Variants in ENOX1 observed in about 807,000 individuals in gnomAD.
ENOX1 encodes the protein ecto-NOX disulfide-thiol exchanger 1.
In ENOX1, 42 loss-of-function variants were observed where a neutral mutation model predicts 82.5. The ratio of observed to expected loss-of-function variants is 0.51; its 90% confidence interval spans 0.40 to 0.66. The LOEUF (loss-of-function observed/expected upper bound fraction) is 0.66, where lower values mean the gene tolerates loss of function less well. ENOX1 is among the 30% of genes least tolerant of loss of function. ENOX1 has a pLI of 0.00. For missense variants in ENOX1, 608 were observed against 811.6 expected (o/e 0.75, Z 3.05); for synonymous variants, 271 against 282.2 (o/e 0.96, Z 0.40).
chr13:43,418,979 A>G (rs1594480548), intron 3 of ENOX1, among the ~76,000 whole-genome samples: 1 of 152,066 alleles, frequency 6.6e-6, no homozygotes, highest in Admixed American at 6.5e-5. Flanking sequence ...GGAATTTGAG[A>G]CCAGCCTGGC....
chr13:43,489,964 A>T (rs1301149586), intron 2 of ENOX1, among the ~76,000 whole-genome samples: 1 of 152,144 alleles, frequency 6.6e-6, no homozygotes, highest in African/African-American at 2.4e-5. Flanking sequence ...TTTGAGACAG[A>T]ATGTCGCTCT....
intron 1 of ENOX1, among the ~76,000 whole-genome samples, chr13:43,781,791 G>A (rs1434089840): frequency 1.3e-5 from 2 of 152,172 alleles, no homozygotes; most frequent in Non-Finnish European, 2.9e-5. Context: ...GATTACAGGC[G>A]TGAGCCACCG....
intron 1 of ENOX1, among the ~76,000 whole-genome samples, chr13:43,670,837 T>C (rs9594992): frequency 0.13 from 19,602 of 149,092 alleles, 2,493 homozygotes; most frequent in African/African-American, 0.34. Flanking sequence ...AGTGAGAGTC[T>C]ATCTCAAACA....
rs553407361 is a variant in ENOX1, at chr13:43,320,531, G to A, written c.1261+1853C>T. On this transcript the variant is annotated intron_variant, in intron 11 of 16. Transcript: ENST00000690772. ...GGGCCCCGATCCTATAAGCATGTAC[G>A]TGCCGCAAGACCTCAGTGAGCATAC... 2.6e-5 allele frequency among the ~76,000 whole-genome samples: 4 copies of A among 152,238 alleles called. No individual in the cohort carries two copies. The South Asian group carries it at 6.2e-4, about 24-fold the overall frequency.
At chr13:43,253,341 A>G (rs1400632899) in intron 14 of ENOX1, among the ~76,000 whole-genome samples, 1 of 152,088 alleles carries the variant, frequency 6.6e-6, no homozygotes, top group Non-Finnish European at 1.5e-5. Flanking sequence ...ATTTTCCTAC[A>G]TATTTCCTCA....
At chr13:43,656,957 T>C (rs1323075332) in intron 2 of ENOX1, among the ~76,000 whole-genome samples, 1 of 152,226 alleles carries the variant, frequency 6.6e-6, no homozygotes, top group Non-Finnish European at 1.5e-5. Context: ...TCTTTTTCCT[T>C]GTATTAAAAA....
rs149395641 is a variant in ENOX1, at chr13:43,237,611, C to T, written c.1612-873G>A. 5.2e-4 allele frequency among the ~76,000 whole-genome samples: 79 copies of T among 152,202 alleles called. 1 individual carries two copies. Among genetic ancestry groups the T allele is most frequent in the African/African-American group, 1.7e-3 (69 of 41,512 alleles). ...CTGCAGGGATGATAGAGAACAGGTA[C>T]GGAGAGCCGAATGGACGAAGAATTC... On this transcript the variant is annotated intron_variant, in intron 14 of 16. Coordinates refer to ENST00000690772, the MANE Select transcript of ENOX1 (RefSeq NM_001347969.2).
intron 3 of ENOX1, among the ~76,000 whole-genome samples, chr13:43,440,726 A>G (rs2056313694): frequency 6.6e-6 from 1 of 152,222 alleles, no homozygotes; most frequent in Non-Finnish European, 1.5e-5. Context: ...TCACTGAAGT[A>G]TCATTTTATC....
At chr13:43,426,455 A>G (rs1207543282) in intron 3 of ENOX1, among the ~76,000 whole-genome samples, 1 of 152,184 alleles carries the variant, frequency 6.6e-6, no homozygotes, top group Non-Finnish European at 1.5e-5. Context: ...CTAAACAAAT[A>G]TTTTAAAAGA....
chr13:43,685,108 G>A (rs1478837054), intron 1 of ENOX1, among the ~76,000 whole-genome samples: 1 of 152,114 alleles, frequency 6.6e-6, no homozygotes, highest in Non-Finnish European at 1.5e-5. Flanking sequence ...TACAATGCTT[G>A]CTTTAAATAA....
At chr13:43,552,631 G>T (rs1380602334) in intron 2 of ENOX1, among the ~76,000 whole-genome samples, 4 of 152,004 alleles carry the variant, frequency 2.6e-5, no homozygotes, top group African/African-American at 9.7e-5. Flanking sequence ...TGCCTACATG[G>T]TAGGCACTCC....
chr13:43,493,228 T>TAG (rs142975125), intron 2 of ENOX1, among the ~76,000 whole-genome samples: 37 of 151,962 alleles, frequency 2.4e-4, no homozygotes, highest in Non-Finnish European at 4.9e-4. Context: ...ATAGGACCTA[T>TAG]AGAGAGAGAG....
At chr13:43,227,429 T>A (rs1053460843) in intron 15 of ENOX1, among the ~76,000 whole-genome samples, 6 of 152,248 alleles carry the variant, frequency 3.9e-5, no homozygotes, top group Non-Finnish European at 1.5e-5. Context: ...TCCAGTATAC[T>A]TGTTTAAAAA....
rs144621988 is a variant in ENOX1 at position 43,353,184 on chromosome 13, T to C, written c.823+2735A>G. On this transcript the variant is annotated intron_variant, in intron 8 of 16. Coordinates refer to ENST00000690772, the MANE Select transcript of ENOX1 (RefSeq NM_001347969.2). ...ACTGGACAGAAATTCAACGTGCTCATAGATCCAAATAGCAGAAGAAGAGAG... is the reference window on the plus strand; with the variant it reads ...ACTGGACAGAAATTCAACGTGCTCACAGATCCAAATAGCAGAAGAAGAGAG... Among the ~76,000 whole-genome samples, 16 of 152,328 alleles carry C rather than the reference T, an allele frequency of 1.1e-4. No homozygotes were observed. The East Asian group carries it at 3.1e-3, about 29-fold the overall frequency.
At chr13:43,714,977 C>T (rs1020548795) in intron 1 of ENOX1, among the ~76,000 whole-genome samples, 1 of 152,056 alleles carries the variant, frequency 6.6e-6, no homozygotes, top group Admixed American at 6.6e-5. Flanking sequence ...TGATTTTGCT[C>T]GTTAGTTGAT....
chr13:43,755,617 A>G (rs1594702409), intron 1 of ENOX1, among the ~76,000 whole-genome samples: 1 of 152,206 alleles, frequency 6.6e-6, no homozygotes, highest in East Asian at 1.9e-4. Context: ...AGATAAGCAA[A>G]CTAAAATCAT....
At chr13:43,356,669 G>A (rs2050179717) in intron 7 of ENOX1, among the ~76,000 whole-genome samples, 1 of 152,180 alleles carries the variant, frequency 6.6e-6, no homozygotes, top group Non-Finnish European at 1.5e-5. Flanking sequence ...ACAGGTTATT[G>A]CTACATTCCC....
chr13:43,486,152 G>A (rs1435097028), intron 2 of ENOX1, among the ~76,000 whole-genome samples: 2 of 152,234 alleles, frequency 1.3e-5, no homozygotes, highest in African/African-American at 4.8e-5. Flanking sequence ...AGAGCTTGCA[G>A]TGATCCAAGA....
At chr13:43,338,903 T>A (rs994832521) in intron 9 of ENOX1, among the ~76,000 whole-genome samples, 3 of 152,092 alleles carry the variant, frequency 2.0e-5, no homozygotes, top group Admixed American at 1.3e-4. Context: ...GCCAGGATGG[T>A]CTCGATCTCC....
Sources: gnomAD v4.1 joint callset for allele counts (sites outside exome capture counted in the v4.1 genomes callset) on GRCh38, gnomAD v4.1.1 for gene constraint, MANE v1.5 for transcripts, NCBI Gene and HGNC (gene_info 2026-07-23, HGNC 2026-07-21) for gene names.